The following IMMP2L variants were observed in gnomAD, a reference collection of about 807,000 sequenced individuals.
IMMP2L encodes inner mitochondrial membrane peptidase subunit 2, also known as mitochondrial inner membrane protease subunit 2.
Under a neutral mutation model 19.3 loss-of-function variants are expected in IMMP2L, and 18 were observed. The observed-to-expected ratio is 0.93, with a 90% CI of 0.64 to 1.38. IMMP2L has a LOEUF of 1.38. Among genes scored for constraint, IMMP2L ranks in the 40% most tolerant of loss-of-function variants. The probability of loss-of-function intolerance (pLI) is 0.00; values close to 1 mark genes in which losing one functional copy is unlikely to be tolerated. For missense variants in IMMP2L, 233 were observed against 218.2 expected, an observed-to-expected ratio of 1.07 and a Z score of -0.43; for synonymous variants, 76 against 73.0, an observed-to-expected ratio of 1.04 and a Z score of -0.21.
At chr7:110,970,281 G>C (rs1487586212) in intron 3 of IMMP2L, among the ~76,000 whole-genome samples, 4 of 152,098 alleles carry the variant, frequency 2.6e-5, no homozygotes, top group Non-Finnish European at 5.9e-5. Context: ...CCAACAGTTT[G>C]TTAACTCAAG....
intron 3 of IMMP2L, among the ~76,000 whole-genome samples, chr7:111,094,835 C>T (rs1797238003): frequency 6.6e-6 from 1 of 151,908 alleles, no homozygotes; most frequent in African/African-American, 2.4e-5. Context: ...GTAGCTGGTG[C>T]CAGAGGATGG....
chr7:111,187,022 T>C (rs1408561561), intron 3 of IMMP2L, among the ~76,000 whole-genome samples: 1 of 152,096 alleles, frequency 6.6e-6, no homozygotes, highest in Non-Finnish European at 1.5e-5. Context: ...ATAGAATTAG[T>C]AGTAGGCACT....
At chr7:111,556,545 T>TC (rs1204838794) in intron 1 of IMMP2L, among the ~76,000 whole-genome samples, 1 of 152,042 alleles carries the variant, frequency 6.6e-6, no homozygotes, top group Non-Finnish European at 1.5e-5. Flanking sequence ...TCCTATTCAG[T>TC]CCTTTACCCA....
intron 5 of IMMP2L, among the ~76,000 whole-genome samples, chr7:110,804,894 G>C (rs191548527): frequency 1.1e-3 from 170 of 152,212 alleles, no homozygotes; most frequent in African/African-American, 3.9e-3. Flanking sequence ...TGTTAGGTAA[G>C]AGAGAAACAA....
At chr7:110,809,780 T>C (rs1801899369) in intron 5 of IMMP2L, among the ~76,000 whole-genome samples, 1 of 152,052 alleles carries the variant, frequency 6.6e-6, no homozygotes, top group African/African-American at 2.4e-5. Flanking sequence ...TCATGAGTTT[T>C]AAACAACAAA....
intron 4 of IMMP2L, among the ~76,000 whole-genome samples, chr7:110,923,907 T>C (rs1198211736): frequency 6.6e-6 from 1 of 152,164 alleles, no homozygotes; most frequent in Non-Finnish European, 1.5e-5. Flanking sequence ...TCTCACATTA[T>C]AGCCTGATTG....
chr7:111,506,200 T>TAAG (rs565045412), intron 2 of IMMP2L, among the ~76,000 whole-genome samples: 1 of 143,422 alleles, frequency 7.0e-6, no homozygotes, highest in Non-Finnish European at 1.5e-5. Flanking sequence ...CTCTTTAAAA[T>TAAG]AATAATAATA....
intron 3 of IMMP2L, among the ~76,000 whole-genome samples, chr7:111,321,457 T>C (rs147986994): frequency 6.6e-6 from 1 of 151,994 alleles, no homozygotes; most frequent in Non-Finnish European, 1.5e-5. Context: ...TGAGGTAATA[T>C]TCTCAATGTC....
At chr7:110,693,580 G>T (rs1394479958) in intron 5 of IMMP2L, among the ~76,000 whole-genome samples, 1 of 152,132 alleles carries the variant, frequency 6.6e-6, no homozygotes, top group Non-Finnish European at 1.5e-5. Context: ...ACCTGTAAAG[G>T]CTCAACAAAC....
At chr7:111,135,085 G>A (rs1802205984) in intron 3 of IMMP2L, among the ~76,000 whole-genome samples, 1 of 152,092 alleles carries the variant, frequency 6.6e-6, no homozygotes, top group Non-Finnish European at 1.5e-5. Context: ...ATATCAGGTA[G>A]AACATGTAAG....
At chr7:111,035,039 C>T (rs537110945) in intron 3 of IMMP2L, among the ~76,000 whole-genome samples, 2 of 152,218 alleles carry the variant, frequency 1.3e-5, no homozygotes, top group Admixed American at 6.5e-5. Flanking sequence ...TTTTCTCAAT[C>T]GAGTCAATAA....
intron 5 of IMMP2L, among the ~76,000 whole-genome samples, chr7:110,759,260 G>C (rs1478584160): frequency 6.6e-6 from 1 of 152,034 alleles, no homozygotes; most frequent in Non-Finnish European, 1.5e-5. Flanking sequence ...CTATGACACT[G>C]AACAGGCTGC....
chr7:110,714,783 G>T (rs553879617), intron 5 of IMMP2L, among the ~76,000 whole-genome samples: 1 of 152,216 alleles, frequency 6.6e-6, no homozygotes, highest in South Asian at 2.1e-4. Flanking sequence ...TTTTAGTAGG[G>T]ACAGGGTTTT....
chr7:110,911,396 A>G (rs1411004199), intron 4 of IMMP2L, among the ~76,000 whole-genome samples: 1 of 152,178 alleles, frequency 6.6e-6, no homozygotes, highest in Non-Finnish European at 1.5e-5. Flanking sequence ...CTAAATACTC[A>G]GCAAACTTTA....
chr7:110,794,465 T>C (rs1800719903), intron 5 of IMMP2L, among the ~76,000 whole-genome samples: 1 of 152,142 alleles, frequency 6.6e-6, no homozygotes, highest in Non-Finnish European at 1.5e-5. Flanking sequence ...GGAGACAGTT[T>C]TGTTTTAGTG....
chr7:111,267,915 T>A lies in IMMP2L; in HGVS notation c.239+219323A>T, dbSNP rs147448882. On this transcript the variant is annotated intron_variant, in intron 3 of 5. Coordinates refer to ENST00000405709, the MANE Select transcript of IMMP2L (RefSeq NM_032549.4). ...TCATTCTCTGTATCATTACAGAGTATCTTTTTCAAAGAAGAAGTAGTAAAT... is the reference window on the plus strand; with the variant it reads ...TCATTCTCTGTATCATTACAGAGTAACTTTTTCAAAGAAGAAGTAGTAAAT... 2.6e-3 allele frequency among the ~76,000 whole-genome samples: 403 copies of A among 152,256 alleles called. 2 individuals carry two copies. The highest frequency in any genetic ancestry group is 9.2e-3 in the African/African-American group (383 of 41,562).
At chr7:110,752,070 A>G (rs1797757470) in intron 5 of IMMP2L, among the ~76,000 whole-genome samples, 1 of 152,036 alleles carries the variant, frequency 6.6e-6, no homozygotes, top group African/African-American at 2.4e-5. Context: ...TGTGATACTT[A>G]CATGTTTGTC....
chr7:111,558,837 A>C (rs1436319788), intron 1 of IMMP2L, among the ~76,000 whole-genome samples: 1 of 152,184 alleles, frequency 6.6e-6, no homozygotes, highest in Non-Finnish European at 1.5e-5. Flanking sequence ...TATTCCTATA[A>C]GTACATTGTT....
At chr7:110,905,250 CACT>C in intron 4 of IMMP2L, among the ~76,000 whole-genome samples, 1 of 152,242 alleles carries the variant, frequency 6.6e-6, no homozygotes, top group African/African-American at 2.4e-5. Flanking sequence ...CCATCCTCAG[CACT>C]ACAATATTAT....
Sources: gnomAD v4.1 joint callset for allele counts (sites outside exome capture counted in the v4.1 genomes callset) on GRCh38, gnomAD v4.1.1 for gene constraint, MANE v1.5 for transcripts, NCBI Gene and HGNC (gene_info 2026-07-23, HGNC 2026-07-21) for gene names.